The following CRLF3 variants were observed in gnomAD, a reference collection of about 807,000 sequenced individuals.
CRLF3 encodes cytokine receptor like factor 3, also known as cytokine receptor-like factor 3.
Under a neutral mutation model 55.0 loss-of-function variants are expected in CRLF3, and 33 were observed. The ratio of observed to expected loss-of-function variants is 0.60; its 90% confidence interval spans 0.46 to 0.80. The LOEUF (loss-of-function observed/expected upper bound fraction) is 0.80, where lower values mean the gene tolerates loss of function less well. Ranked by LOEUF, CRLF3 falls within the 30% of genes least tolerant of loss-of-function variation. CRLF3 has a pLI of 0.00. For synonymous variants in CRLF3, 238 were observed against 196.8 expected, an observed-to-expected ratio of 1.21 and a Z score of -1.75; for missense variants, 494 against 538.4, an observed-to-expected ratio of 0.92 and a Z score of 0.82.
intron 1 of CRLF3, among the ~76,000 whole-genome samples, chr17:30,810,741 T>C (rs1201024450): frequency 1.3e-5 from 2 of 152,192 alleles, no homozygotes; most frequent in Admixed American, 1.3e-4. Context: ...GAGTATTTCC[T>C]TCACAACCCT....
intron 2 of CRLF3, among the ~76,000 whole-genome samples, chr17:30,803,161 G>A (rs1182094566): frequency 1.4e-5 from 2 of 145,334 alleles, no homozygotes; most frequent in Non-Finnish European, 3.0e-5. Flanking sequence ...CAAAACCCCT[G>A]TGTCAAAAAA....
At chr17:30,814,199 G>A (rs1177842830) in intron 1 of CRLF3, among the ~76,000 whole-genome samples, 2 of 152,128 alleles carry the variant, frequency 1.3e-5, no homozygotes, top group African/African-American at 4.8e-5. Context: ...AGAGGTTGCA[G>A]TGAGCCGAGA....
rs747875828 is a variant in CRLF3 at position 30,784,477 on chromosome 17, G to C, written c.1073-34C>G. ...TTAAGGTAAAGAGTCATTTACATGT[G>C]AGCAATAACTAAGAGATCTGAAATA... On this transcript the variant is annotated intron_variant, in intron 7 of 7. Transcript: ENST00000324238. The C allele has an allele frequency of 1.9e-6, 3 of 1,562,476 alleles. No homozygotes were observed. In the East Asian group the frequency reaches 6.8e-5, roughly 35 times the overall value.
At chr17:30,824,094 T>C (rs1905068248) in intron 1 of CRLF3, among the ~76,000 whole-genome samples, 1 of 152,000 alleles carries the variant, frequency 6.6e-6, no homozygotes, top group South Asian at 2.1e-4. Context: ...GTCTCCACTT[T>C]CAGCTCTCCC....
intron 2 of CRLF3, among the ~76,000 whole-genome samples, chr17:30,799,332 C>G (rs1023203466): frequency 1.3e-5 from 2 of 152,084 alleles, no homozygotes; most frequent in South Asian, 2.1e-4. Flanking sequence ...ATTCAAGTAT[C>G]AAATGCTGTA....
Position 30,810,638 on chromosome 17 carries a change from A to G in CRLF3, c.130-6530T>C, listed in dbSNP as rs115079630. Among the ~76,000 whole-genome samples, 956 of 152,326 alleles carry G rather than the reference A, an allele frequency of 6.3e-3. 11 individuals carry two copies. The highest frequency in any genetic ancestry group is 0.022 in the African/African-American group (912 of 41,576). On this transcript the variant is annotated intron_variant, in intron 1 of 7. Coordinates refer to ENST00000324238, the MANE Select transcript of CRLF3 (RefSeq NM_015986.4). ...TACAGCTGAATATAACCCCAAAGCA[A>G]CTGTTTTAAAATTTTAACATGATTA...
intron 4 of CRLF3, among the ~76,000 whole-genome samples, chr17:30,794,373 A>C (rs1053137899): frequency 6.6e-6 from 1 of 152,168 alleles, no homozygotes; most frequent in Non-Finnish European, 1.5e-5. Flanking sequence ...TTAATTAGCC[A>C]CCCAATAGAA....
At chr17:30,790,606 C>CTTTTTTTT (rs573997612) in intron 6 of CRLF3, 14 of 75,650 alleles carry the variant, frequency 1.9e-4, no homozygotes, top group African/African-American at 6.6e-4. Context: ...AATTTTTTTG[C>CTTTTTTTT]TTTTTTTTTT....
At chr17:30,817,721 C>T (rs1416187513) in intron 1 of CRLF3, among the ~76,000 whole-genome samples, 2 of 150,282 alleles carry the variant, frequency 1.3e-5, no homozygotes, top group Non-Finnish European at 3.0e-5. Flanking sequence ...TCCTGGCCAA[C>T]GTGGTGAAAC....
rs899852304 is a variant in CRLF3 at position 30,784,255 on chromosome 17, G to C, written c.1261C>G (p.Gln421Glu). 6 of 1,613,376 alleles carry C rather than the reference G, an allele frequency of 3.7e-6. No individual in the cohort carries two copies. The African/African-American group carries it at 6.7e-5, about 18-fold the overall frequency. Reference sequence around the variant, plus strand: ...CCAAAGTAAAGAGAACCACAAGACTGATCAAGTAACCAGTCAAAAACCACT... The same window carrying C: ...CCAAAGTAAAGAGAACCACAAGACTCATCAAGTAACCAGTCAAAAACCACT... ...REVVFDWLLDQSCGSLYFGCS... is the reference protein window; with the variant it reads ...REVVFDWLLDESCGSLYFGCS... The change falls in exon 8 of 8, where the codon CAG (glutamine) becomes GAG (glutamate). Residue 421 changes from glutamine (Q) to glutamate (E), a missense_variant. Transcript: ENST00000324238.
At position 30,796,284 on chromosome 17, in the gene CRLF3, T is replaced by C; in HGVS notation, c.479A>G (p.Asp160Gly). ...TTTCACTATGTTAAGAATTGAGTCA[T>C]CCAACTGAGCAGATAAACAAGGCAC... ...VDVPCLSAQLDDSILNIVKDH... is the reference protein window; with the variant it reads ...VDVPCLSAQLGDSILNIVKDH... Residue 160 changes from aspartate to glycine, a missense_variant, in exon 4 of 8, where the codon GAT (aspartate) becomes GGT (glycine). Physicochemically the swap from Asp to Gly is moderately conservative, Grantham distance 94 (BLOSUM62 -1). Coordinates refer to ENST00000324238, the MANE Select transcript of CRLF3 (RefSeq NM_015986.4). 1 of 1,614,094 alleles carries C rather than the reference T, an allele frequency of 6.2e-7. No homozygotes were observed. The highest frequency in any genetic ancestry group is 8.5e-7 in the Non-Finnish European group (1 of 1,179,976).
rs541020826 is a variant in CRLF3 at position 30,824,463 on chromosome 17, T to A, written c.129+60A>T. 2.0e-5 allele frequency: 30 copies of A among 1,503,454 alleles called. No homozygotes were observed. The East Asian group carries it at 6.7e-4, about 33-fold the overall frequency. The allele number at this position is 1,503,454 out of a possible 1,614,324, so 93.1% of individuals were successfully genotyped here. ...CCACCCCTCAAAGCCCTCCCAGCCTTCGCCCGGCATCCGCGCCACCCCCGG... is the reference window on the plus strand; with the variant it reads ...CCACCCCTCAAAGCCCTCCCAGCCTACGCCCGGCATCCGCGCCACCCCCGG... On this transcript the variant is annotated intron_variant, in intron 1 of 7. Transcript: ENST00000324238.
chr17:30,804,103 T>C lies in CRLF3; in HGVS notation c.135A>G (p.Lys45=). The change falls in exon 2 of 8, where the codon AAA becomes AAG. Residue 45 remains lysine, a synonymous_variant. Coordinates refer to ENST00000324238, the MANE Select transcript of CRLF3 (RefSeq NM_015986.4). ...CATCCCTTGTCTGTGATGCACTTTC[T>C]TTGATCTAAAAAGAAATAACAAAAT... ...EGLREARRQI[K]ESASQTRDVL... is the part of the protein sequence containing the mutation. The C allele has an allele frequency of 6.2e-7, 1 of 1,608,738 alleles. No homozygotes were observed. Among genetic ancestry groups the C allele is most frequent in the Non-Finnish European group, 8.5e-7 (1 of 1,176,134 alleles).
At chr17:30,807,517 CTTTTTTT>C (rs778842582) in intron 1 of CRLF3, among the ~76,000 whole-genome samples, 10 of 62,972 alleles carry the variant, frequency 1.6e-4, no homozygotes, top group East Asian at 1.1e-3. Context: ...ATTTTCTTTC[CTTTTTTT>C]TTTTTTTTTT....
intron 1 of CRLF3, among the ~76,000 whole-genome samples, chr17:30,822,951 T>C (rs1220500360): frequency 2.0e-5 from 3 of 152,160 alleles, no homozygotes; most frequent in East Asian, 1.9e-4. Flanking sequence ...GATGAGTGCA[T>C]TGAAAGGCCT....
In CRLF3 at chr17:30,806,825, A is replaced by C. The variant is rs985510986; in HGVS notation, c.130-2717T>G. On this transcript the variant is annotated intron_variant, in intron 1 of 7. Coordinates refer to ENST00000324238, the MANE Select transcript of CRLF3 (RefSeq NM_015986.4). ...ATTTTATTTTTCACTTTTTGTAGAG[A>C]CGAGATCTTGCTATGTTGCCCAAGC... Among the ~76,000 whole-genome samples the C allele has an allele frequency of 2.6e-5, 4 of 152,186 alleles. No homozygotes were observed. In the East Asian group the frequency reaches 7.7e-4, roughly 29 times the overall value.
chr17:30,795,567 C>G (rs1244454151), intron 4 of CRLF3, among the ~76,000 whole-genome samples: 1 of 151,604 alleles, frequency 6.6e-6, no homozygotes, highest in Non-Finnish European at 1.5e-5. Context: ...CTTTGGGAGG[C>G]CAAGGTGGGC....
At chr17:30,814,683 A>G (rs1173716923) in intron 1 of CRLF3, among the ~76,000 whole-genome samples, 2 of 151,658 alleles carry the variant, frequency 1.3e-5, no homozygotes, top group Non-Finnish European at 2.9e-5. Flanking sequence ...GTTCTCTATC[A>G]AAATTATATA....
In CRLF3 at chr17:30,795,764, C is replaced by T. The variant is rs1014112422; in HGVS notation, c.603+396G>A. ...CAGCCTGGCCAACATGGTGAAACCTCGTCTCTACAAAAAATACAAAAATTA... is the reference window on the plus strand; with the variant it reads ...CAGCCTGGCCAACATGGTGAAACCTTGTCTCTACAAAAAATACAAAAATTA... On this transcript the variant is annotated intron_variant, in intron 4 of 7. Coordinates refer to ENST00000324238, the MANE Select transcript of CRLF3 (RefSeq NM_015986.4). Among the ~76,000 whole-genome samples, 8 of 151,886 alleles carry T rather than the reference C, an allele frequency of 5.3e-5. No homozygotes were observed. In the East Asian group the frequency reaches 1.4e-3, roughly 26 times the overall value.
Sources: gnomAD v4.1 joint callset for allele counts (sites outside exome capture counted in the v4.1 genomes callset) on GRCh38, gnomAD v4.1.1 for gene constraint, MANE v1.5 for transcripts, NCBI Gene and HGNC (gene_info 2026-07-23, HGNC 2026-07-21) for gene names.